PPP2R2B: variants seen among roughly 807,000 people sequenced by gnomAD.
The protein encoded by PPP2R2B is serine/threonine-protein phosphatase 2A 55 kDa regulatory subunit B beta isoform.
A neutral mutation model predicts 46.0 loss-of-function variants in PPP2R2B; 5 were observed. That is an observed-to-expected ratio of 0.11 (90% CI 0.06 to 0.23). The LOEUF is 0.23. Among genes scored for constraint, PPP2R2B ranks in the 10% least tolerant of loss-of-function variants. The probability of loss-of-function intolerance (pLI) is 1.00; values close to 1 mark genes in which losing one functional copy is unlikely to be tolerated. For missense variants in PPP2R2B, 367 were observed against 575.0 expected (o/e 0.64, Z 3.70); for synonymous variants, 215 against 206.7 (o/e 1.04, Z -0.34).
At position 146,582,797 on chromosome 5, in the gene PPP2R2B, A is replaced by T. The variant is rs146103160; in HGVS notation, c.*7150T>A. On this transcript the variant is annotated 3_prime_UTR_variant, in exon 10 of 10. Transcript: ENST00000394411. ...TGGAACTAAGGGTGGTTGAGAAAGC[A>T]TCTCTGAGGAGGTGACATTTGAGCT... 1.1e-3 allele frequency: 165 copies of T among 152,338 alleles called. No individual in the cohort carries two copies. Among genetic ancestry groups the T allele is most frequent in the African/African-American group, 3.9e-3 (162 of 41,578 alleles). 9.4% of individuals were successfully genotyped at this position (152,338 alleles called of 1,614,324 possible).
At chr5:147,010,526 G>T (rs1036156424) in intron 1 of PPP2R2B, among the ~76,000 whole-genome samples, 1 of 152,100 alleles carries the variant, frequency 6.6e-6, no homozygotes, top group Non-Finnish European at 1.5e-5. Flanking sequence ...ATCCTCATAA[G>T]GTGTGTGCAA....
At chr5:146,918,208 G>A (rs554751465) in intron 1 of PPP2R2B, among the ~76,000 whole-genome samples, 2 of 152,316 alleles carry the variant, frequency 1.3e-5, no homozygotes, top group Non-Finnish European at 2.9e-5. Flanking sequence ...AGGCAGAGAA[G>A]CAAAGAAACA....
At chr5:146,899,074 C>T (rs1291708219) in intron 1 of PPP2R2B, among the ~76,000 whole-genome samples, 1 of 151,764 alleles carries the variant, frequency 6.6e-6, no homozygotes, top group East Asian at 2.0e-4. Flanking sequence ...GGCGATTCCT[C>T]AGGGATCTAG....
chr5:146,924,312 C>A (rs987189783), intron 1 of PPP2R2B, among the ~76,000 whole-genome samples: 1 of 152,202 alleles, frequency 6.6e-6, no homozygotes. Context: ...ACAACTGCAA[C>A]TGAAAAGCAC....
intron 1 of PPP2R2B, among the ~76,000 whole-genome samples, chr5:146,918,690 C>T (rs999437346): frequency 6.6e-6 from 1 of 152,280 alleles, no homozygotes; most frequent in African/African-American, 2.4e-5. Flanking sequence ...TTGGTTCTTC[C>T]TGTGTTTATA....
At chr5:146,760,271 T>C (rs1457691902) in intron 2 of PPP2R2B, among the ~76,000 whole-genome samples, 2 of 152,216 alleles carry the variant, frequency 1.3e-5, no homozygotes. Flanking sequence ...CTTTAATCTC[T>C]ATTTTGCAGA....
At chr5:146,891,996 A>T (rs1188098633) in intron 1 of PPP2R2B, among the ~76,000 whole-genome samples, 1 of 152,214 alleles carries the variant, frequency 6.6e-6, no homozygotes, top group Non-Finnish European at 1.5e-5. Flanking sequence ...GGGAAGACTC[A>T]TGGAGCGATT....
At chr5:146,842,916 C>A (rs772339865) in intron 2 of PPP2R2B, among the ~76,000 whole-genome samples, 1 of 152,188 alleles carries the variant, frequency 6.6e-6, no homozygotes, top group Non-Finnish European at 1.5e-5. Context: ...TGGCTGGGCG[C>A]GGTGGCTCAC....
upstream of PPP2R2B, chr5:146,879,058 A>G: frequency 2.6e-6 from 1 of 384,184 alleles, no homozygotes; most frequent in Non-Finnish European, 3.8e-6. Context: ...CGGACGCCTG[A>G]ACTTGAGAAC....
At chr5:146,667,927 C>G (rs552746696) in intron 5 of PPP2R2B, among the ~76,000 whole-genome samples, 1 of 152,096 alleles carries the variant, frequency 6.6e-6, no homozygotes, top group African/African-American at 2.4e-5. Flanking sequence ...GGCAGAGAAA[C>G]AAAGTGGGAA....
At chr5:146,882,231 A>C (rs1762190403), upstream of PPP2R2B, among the ~76,000 whole-genome samples, 1 of 151,406 alleles carries the variant, frequency 6.6e-6, no homozygotes, top group Non-Finnish European at 1.5e-5. Context: ...GCACCACTGC[A>C]CTCCAGCCTG....
chr5:146,855,819 A>C (rs1345601137), intron 2 of PPP2R2B, among the ~76,000 whole-genome samples: 1 of 152,192 alleles, frequency 6.6e-6, no homozygotes, highest in Non-Finnish European at 1.5e-5. Flanking sequence ...AAGCCTCACC[A>C]CACACTGTAT....
chr5:146,714,680 T>C lies in PPP2R2B; in HGVS notation c.71-13538A>G, dbSNP rs376696065. ...AATCTGGATAGTAAGAAAAATGCTA[T>C]TGAAATCTTCTCTTCATATAAGGTT... On this transcript the variant is annotated intron_variant, in intron 2 of 9. Coordinates refer to ENST00000394411, the MANE Select transcript of PPP2R2B (RefSeq NM_181675.4). Among the ~76,000 whole-genome samples the C allele has an allele frequency of 1.8e-4, 28 of 152,332 alleles. 1 individual carries two copies. The South Asian group carries it at 5.4e-3, about 29-fold the overall frequency.
At chr5:146,700,225 C>T (rs897391066) in intron 3 of PPP2R2B, among the ~76,000 whole-genome samples, 9 of 152,108 alleles carry the variant, frequency 5.9e-5, no homozygotes, top group South Asian at 2.1e-4. Flanking sequence ...CCCGAGTGCC[C>T]GGTGAATCTC....
chr5:147,066,988 G>A, intron 2 of PPP2R2B, among the ~76,000 whole-genome samples: 1 of 152,116 alleles, frequency 6.6e-6, no homozygotes, highest in Non-Finnish European at 1.5e-5. Flanking sequence ...CTAGGTTAAA[G>A]AAAACAGCTG....
chr5:147,080,935 C>A, intron 2 of PPP2R2B: 1 of 854,724 alleles, frequency 1.2e-6, no homozygotes, highest in South Asian at 1.8e-5. Context: ...CATTTCTAGC[C>A]TAGAATGCAA....
chr5:146,901,493 C>T (rs571162327), intron 1 of PPP2R2B, among the ~76,000 whole-genome samples: 3 of 151,924 alleles, frequency 2.0e-5, no homozygotes, highest in South Asian at 4.2e-4. Context: ...AGAGTGAGAC[C>T]CTGCCTCAAA....
intron 1 of PPP2R2B, among the ~76,000 whole-genome samples, chr5:146,896,999 A>G (rs192001314): frequency 4.8e-4 from 73 of 152,320 alleles, no homozygotes; most frequent in African/African-American, 1.6e-3. Context: ...AAGGTCAATG[A>G]TGAACTGAGC....
chr5:146,700,949 AGCAAGGTTAAGG>A, intron 3 of PPP2R2B, 84 bp downstream of exon 3: 1 of 1,117,404 alleles, frequency 8.9e-7, no homozygotes, highest in Non-Finnish European at 1.3e-6. Flanking sequence ...CGAGCAAAGC[AGCAAGGTTAAGG>A]GCGACACATA....
Sources: allele counts gnomAD v4.1 joint callset (sites outside exome capture counted in the v4.1 genomes callset), GRCh38; gene constraint gnomAD v4.1.1; transcripts MANE v1.5; gene names NCBI Gene and HGNC (gene_info 2026-07-23, HGNC 2026-07-21).